LRRC56: variants seen among roughly 807,000 people sequenced by gnomAD.
The protein encoded by LRRC56 is leucine rich repeat containing 56.
Under a neutral mutation model 47.8 loss-of-function variants are expected in LRRC56, and 41 were observed. The observed-to-expected ratio is 0.86, with a 90% CI of 0.67 to 1.11. The LOEUF (loss-of-function observed/expected upper bound fraction) is 1.11. Among genes scored for constraint, LRRC56 ranks in the 50% most tolerant of loss-of-function variants. LRRC56 has a pLI of 0.00. For missense variants in LRRC56, 759 were observed against 704.2 expected (o/e 1.08, Z -0.88); for synonymous variants, 387 against 311.2 (o/e 1.24, Z -2.56).
At chr11:515,078 TC>T in the LRRC56 span, among the ~76,000 whole-genome samples, 1 of 152,182 alleles carries the variant, frequency 6.6e-6, no homozygotes, top group Non-Finnish European at 1.5e-5. Flanking sequence ...ATTTTCCTCT[TC>T]TTACTTTCCT....
chr11:511,765 A>G, the LRRC56 span, among the ~76,000 whole-genome samples: 4 of 152,280 alleles, frequency 2.6e-5, no homozygotes, highest in African/African-American at 9.6e-5. Flanking sequence ...CTGCACGGAG[A>G]TGCTGTGAGA....
chr11:520,992 G>A, the LRRC56 span, among the ~76,000 whole-genome samples: 2 of 152,156 alleles, frequency 1.3e-5, no homozygotes, highest in African/African-American at 2.4e-5. Context: ...CCTGAACACC[G>A]GCATTTACTC....
the LRRC56 span, chr11:532,224 C>T: frequency 2.6e-6 from 1 of 377,840 alleles, no homozygotes; most frequent in Admixed American, 4.0e-5. Flanking sequence ...GTGTCCCACC[C>T]TCAGCCGAAA....
intron 1 of LRRC56, among the ~76,000 whole-genome samples, 172 bp downstream of exon 1, chr11:537,777 C>G (rs1851593175): frequency 6.6e-6 from 1 of 152,202 alleles, no homozygotes; most frequent in Non-Finnish European, 1.5e-5. Context: ...TTGCCTCCAC[C>G]ACCCCCTGGC....
intron 6 of LRRC56, among the ~76,000 whole-genome samples, chr11:547,982 C>T (rs950824728): frequency 8.6e-5 from 13 of 151,904 alleles, no homozygotes; most frequent in South Asian, 2.1e-4. Context: ...AAAAATTAGC[C>T]GGGTGTGGTG....
the LRRC56 span, among the ~76,000 whole-genome samples, chr11:519,037 A>G: frequency 6.6e-6 from 1 of 151,016 alleles, no homozygotes; most frequent in Non-Finnish European, 1.5e-5. Flanking sequence ...GAAAGCCGCG[A>G]GGGCAGCTCC....
upstream of LRRC56, chr11:533,668 G>A: frequency 1.2e-6 from 2 of 1,612,722 alleles, no homozygotes; most frequent in Non-Finnish European, 1.7e-6. Context: ...GCGGCATCCA[G>A]GACATGCGCA....
At chr11:553,861 G>C in intron 13 of LRRC56, 102 bp from the exon 14 acceptor site, 1 of 998,578 alleles carries the variant, frequency 1.0e-6, no homozygotes, top group South Asian at 1.5e-5. Context: ...AAGGACCACT[G>C]CCTCGGGGCT....
At chr11:516,193 A>AG in the LRRC56 span, among the ~76,000 whole-genome samples, 1 of 152,020 alleles carries the variant, frequency 6.6e-6, no homozygotes, top group Non-Finnish European at 1.5e-5. Context: ...CAGGAGTTCA[A>AG]GACCAGCCTG....
chr11:553,914 C>T lies in LRRC56; in HGVS notation c.1316-49C>T, dbSNP rs772796236. Reference sequence around the variant, plus strand: ...CTGTGGCCTCCCCACCGGGTGACTCCCTTCCCTGACAGCCTTTCTGACGTC... The same window carrying T: ...CTGTGGCCTCCCCACCGGGTGACTCTCTTCCCTGACAGCCTTTCTGACGTC... On this transcript the variant is annotated intron_variant, in intron 13 of 13. Transcript: ENST00000270115. 2.7e-5 allele frequency: 42 copies of T among 1,566,730 alleles called. No individual in the cohort carries two copies. The African/African-American group carries it at 5.5e-4, about 21-fold the overall frequency.
chr11:544,742 C>T lies in LRRC56; in HGVS notation c.288C>T (p.Asp96=). 1 of 1,612,548 alleles carries T rather than the reference C, an allele frequency of 6.2e-7. No individual in the cohort carries two copies. Among genetic ancestry groups the T allele is most frequent in the Non-Finnish European group, 8.5e-7 (1 of 1,179,908 alleles). ...GNFGVHLPNL[D]QLKLNGSHLG... The stretch of plus-strand genomic sequence containing the variant: ...CAGGGGTGCACCTGCCCAACCTGGA[C>T]CAACTGAAGCTGAACGGCAGCCACC... The change falls in exon 6 of 14, where the codon GAC becomes GAT. Residue 96 remains aspartate, a synonymous_variant. Transcript: ENST00000270115.
intron 6 of LRRC56, among the ~76,000 whole-genome samples, 182 bp downstream of exon 6, chr11:544,962 G>A (rs935598339): frequency 6.6e-6 from 1 of 151,998 alleles, no homozygotes; most frequent in Non-Finnish European, 1.5e-5. Flanking sequence ...GTGGAGGGTG[G>A]ATGGGCAGGT....
Position 554,737 on chromosome 11 carries a change from G to C in LRRC56, c.*461G>C, listed in dbSNP as rs1852671344. 2.1e-6 allele frequency: 1 copy of C among 478,870 alleles called. No individual in the cohort carries two copies. The highest frequency in any genetic ancestry group is 3.8e-5 in the East Asian group (1 of 26,150). 29.7% of individuals were successfully genotyped at this position (478,870 alleles called of 1,614,324 possible). A position where few individuals can be genotyped will look rare whatever the true frequency, so the allele number is the denominator to read the frequency against. On this transcript the variant is annotated 3_prime_UTR_variant, in exon 14 of 14. Coordinates refer to ENST00000270115, the MANE Select transcript of LRRC56 (RefSeq NM_198075.4). Reference sequence around the variant, plus strand: ...CTCGCCTGAGGCCGCCGGGGGTGCGGTCCAGGCCTCCCGTCTCCGGGGGAT... The same window carrying C: ...CTCGCCTGAGGCCGCCGGGGGTGCGCTCCAGGCCTCCCGTCTCCGGGGGAT...
upstream of LRRC56, chr11:533,644 G>A (rs1201757177): frequency 6.2e-7 from 1 of 1,613,306 alleles, no homozygotes; most frequent in Non-Finnish European, 8.5e-7. Flanking sequence ...CTGGCTACGG[G>A]GGCTGCAGGC....
At chr11:533,524 A>G (rs1221709596), upstream of LRRC56, 2 of 1,613,778 alleles carry the variant, frequency 1.2e-6, no homozygotes, top group African/African-American at 1.3e-5. Context: ...GCCTGCCGAG[A>G]TTCCACAGTG....
At chr11:534,499 A>G, upstream of LRRC56, 1 of 617,448 alleles carries the variant, frequency 1.6e-6, no homozygotes, top group Non-Finnish European at 2.9e-6. Context: ...CCAGGCAGCA[A>G]GGACTGCAGC....
At chr11:516,743 C>G in the LRRC56 span, among the ~76,000 whole-genome samples, 1 of 152,308 alleles carries the variant, frequency 6.6e-6, no homozygotes, top group South Asian at 2.1e-4. Context: ...GAGACCTGGT[C>G]TCTAAATAAA....
upstream of LRRC56, chr11:535,292 G>C (rs1428037586): frequency 3.6e-5 from 1 of 27,916 alleles, no homozygotes; most frequent in Non-Finnish European, 9.0e-5. Context: ...CCACCCACCC[G>C]CCGCCGCCGC....
intron 5 of LRRC56, among the ~76,000 whole-genome samples, chr11:542,602 A>C (rs1343443143): frequency 1.3e-5 from 2 of 149,876 alleles, no homozygotes; most frequent in African/African-American, 2.5e-5. Flanking sequence ...AAAAAAAAAA[A>C]AACACTCCCT....
Sources: allele counts gnomAD v4.1 joint callset (sites outside exome capture counted in the v4.1 genomes callset), GRCh38; gene constraint gnomAD v4.1.1; transcripts MANE v1.5; gene names NCBI Gene and HGNC (gene_info 2026-07-23, HGNC 2026-07-21).